IL1R1: variants seen among roughly 807,000 people sequenced by gnomAD.
IL1R1 encodes the protein interleukin 1 receptor type 1.
IL1R1 carries 22 observed loss-of-function variants against 50.2 expected under a neutral mutation model. That is an observed-to-expected ratio of 0.44 (90% CI 0.31 to 0.63). The LOEUF (loss-of-function observed/expected upper bound fraction) is 0.63. Ranked by LOEUF, IL1R1 falls within the 20% of genes least tolerant of loss-of-function variation. IL1R1 has a pLI of 0.07. For missense variants in IL1R1, 509 were observed against 676.2 expected (o/e 0.75, Z 2.74); for synonymous variants, 251 against 236.7 (o/e 1.06, Z -0.55).
chr2:102,170,832 G>T (rs1008656974), intron 7 of IL1R1, among the ~76,000 whole-genome samples: 2 of 152,208 alleles, frequency 1.3e-5, no homozygotes, highest in African/African-American at 4.8e-5. Context: ...AGGCCAAGGT[G>T]GACAGATCAC....
rs935929236 is a variant in IL1R1, at chr2:102,178,323, G to A, written c.*1564G>A. 2.0e-5 allele frequency: 3 copies of A among 152,392 alleles called. No individual in the cohort carries two copies. Among genetic ancestry groups the A allele is most frequent in the Admixed American group, 6.5e-5 (1 of 15,284 alleles). The allele number at this position is 152,392 out of a possible 1,614,324, so 9.4% of individuals were successfully genotyped here. A position where few individuals can be genotyped will look rare whatever the true frequency, so the allele number is the denominator to read the frequency against. On this transcript the variant is annotated 3_prime_UTR_variant, in exon 12 of 12. Coordinates refer to ENST00000410023, the MANE Select transcript of IL1R1 (RefSeq NM_000877.4). ...ATTGCTGCTCTCTGAGGGAGAGGCTGTGGTGGCTGTCTCTGTCCCTCACTG... is the reference window on the plus strand; with the variant it reads ...ATTGCTGCTCTCTGAGGGAGAGGCTATGGTGGCTGTCTCTGTCCCTCACTG...
At chr2:102,076,484 T>C (rs1678965368) in intron 1 of IL1R1, among the ~76,000 whole-genome samples, 1 of 152,246 alleles carries the variant, frequency 6.6e-6, no homozygotes, top group Non-Finnish European at 1.5e-5. Flanking sequence ...TCAACATTTC[T>C]TATAGTGCAG....
At chr2:102,105,573 C>A (rs1442823560) in intron 1 of IL1R1, among the ~76,000 whole-genome samples, 1 of 152,090 alleles carries the variant, frequency 6.6e-6, no homozygotes, top group East Asian at 1.9e-4. Flanking sequence ...ACTGTGTTAG[C>A]CAGGATGGTC....
chr2:102,163,549 T>C (rs1178341894), intron 3 of IL1R1, among the ~76,000 whole-genome samples: 1 of 152,186 alleles, frequency 6.6e-6, no homozygotes, highest in Admixed American at 6.5e-5. Flanking sequence ...TTTTCATCTC[T>C]AAAAGTTTTT....
chr2:102,137,314 C>T (rs1374836779), intron 1 of IL1R1, among the ~76,000 whole-genome samples: 1 of 152,104 alleles, frequency 6.6e-6, no homozygotes, highest in Non-Finnish European at 1.5e-5. Context: ...CTCAAAACAA[C>T]AGTGTATTAT....
chr2:102,168,462 C>T (rs1393866105), intron 6 of IL1R1, 136 bp from the exon 7 acceptor site: 1 of 721,658 alleles, frequency 1.4e-6, no homozygotes, highest in Non-Finnish European at 2.5e-6. Flanking sequence ...TGCCTCCTGT[C>T]TCCTGGCATA....
At chr2:102,071,516 A>G (rs1018895214) in intron 1 of IL1R1, among the ~76,000 whole-genome samples, 4 of 152,216 alleles carry the variant, frequency 2.6e-5, no homozygotes, top group African/African-American at 9.7e-5. Context: ...TGATGGCTTT[A>G]TCATGTGGCT....
chr2:102,128,861 C>G (rs1681871517), intron 1 of IL1R1, among the ~76,000 whole-genome samples: 2 of 152,078 alleles, frequency 1.3e-5, no homozygotes. Flanking sequence ...ATTGGGTAAT[C>G]TTGGGCAAGT....
chr2:102,071,663 T>C (rs1480969142), intron 1 of IL1R1, among the ~76,000 whole-genome samples: 1 of 152,244 alleles, frequency 6.6e-6, no homozygotes, highest in East Asian at 1.9e-4. Context: ...TCCCTGTATG[T>C]CCCCTCCTCT....
chr2:102,114,910 G>T (rs998917423), intron 1 of IL1R1, among the ~76,000 whole-genome samples: 1 of 152,196 alleles, frequency 6.6e-6, no homozygotes, highest in Non-Finnish European at 1.5e-5. Context: ...AGCCCCTGGA[G>T]TTGAGTTCCC....
At chr2:102,133,544 A>C (rs1352726297) in intron 1 of IL1R1, among the ~76,000 whole-genome samples, 2 of 152,234 alleles carry the variant, frequency 1.3e-5, no homozygotes, top group Non-Finnish European at 2.9e-5. Context: ...ACAGTATATA[A>C]AAAAGCTAAT....
chr2:102,139,056 C>T (rs1468088701), upstream of IL1R1, among the ~76,000 whole-genome samples: 1 of 152,002 alleles, frequency 6.6e-6, no homozygotes, highest in African/African-American at 2.4e-5. Flanking sequence ...TTTGTTTTTT[C>T]TGAAGGATCA....
At chr2:102,172,324 G>C (rs1056019557) in intron 8 of IL1R1, 35 of 985,018 alleles carry the variant, frequency 3.6e-5, no homozygotes, top group Non-Finnish European at 4.0e-5. Context: ...GGATCTCCTG[G>C]CTTCCCATGA....
intron 3 of IL1R1, among the ~76,000 whole-genome samples, chr2:102,160,138 C>T (rs1487181141): frequency 6.6e-6 from 1 of 152,158 alleles, no homozygotes; most frequent in Non-Finnish European, 1.5e-5. Context: ...TACTTCTTCT[C>T]AAGGGAGCTT....
At position 102,080,488 on chromosome 2, in the gene IL1R1, T is replaced by C. The variant is rs111304164; in HGVS notation, c.-84+9955T>C. The stretch of plus-strand genomic sequence containing the variant: ...CACATTAAAAGATGCTCGACATTAC[T>C]GGTCATTAGCAAACGCAAAGCAAAA... On this transcript the variant is annotated intron_variant, in intron 1 of 11. Coordinates refer to the IL1R1 transcript ENST00000409929. Among the ~76,000 whole-genome samples, 1,184 of 152,326 alleles carry C rather than the reference T, an allele frequency of 7.8e-3. 14 individuals carry two copies. The highest frequency in any genetic ancestry group is 0.028 in the African/African-American group (1,149 of 41,574).
At chr2:102,147,642 G>T (rs996847568) in intron 1 of IL1R1, among the ~76,000 whole-genome samples, 1 of 151,676 alleles carries the variant, frequency 6.6e-6, no homozygotes, top group Non-Finnish European at 1.5e-5. Flanking sequence ...GGAAAAGTCA[G>T]ACTTCAACCT....
chr2:102,172,373 G>C, intron 8 of IL1R1: 1 of 985,298 alleles, frequency 1.0e-6, no homozygotes, highest in African/African-American at 1.7e-5. Context: ...TTTGTCATCT[G>C]CCCCAATCTC....
intron 1 of IL1R1, among the ~76,000 whole-genome samples, chr2:102,079,219 G>C (rs1158872974): frequency 5.3e-5 from 8 of 152,146 alleles, no homozygotes; most frequent in South Asian, 4.1e-4. Context: ...AGAGAAGGAT[G>C]TTTAATCCTA....
upstream of IL1R1, among the ~76,000 whole-genome samples, chr2:102,100,285 G>A (rs1204289465): frequency 6.6e-6 from 1 of 151,998 alleles, no homozygotes; most frequent in African/African-American, 2.4e-5. Flanking sequence ...CTCCACAATT[G>A]AAGAGTGCCA....
Sources: allele counts gnomAD v4.1 joint callset (sites outside exome capture counted in the v4.1 genomes callset), GRCh38; gene constraint gnomAD v4.1.1; transcripts MANE v1.5; gene names NCBI Gene and HGNC (gene_info 2026-07-23, HGNC 2026-07-21).